The following TMEM45B variants were observed in gnomAD, a reference collection of about 807,000 sequenced individuals.
TMEM45B encodes the protein transmembrane protein 45B.
A neutral mutation model predicts 27.3 loss-of-function variants in TMEM45B; 29 were observed. The observed-to-expected ratio is 1.06, with a 90% CI of 0.79 to 1.45. TMEM45B has a LOEUF of 1.45. Ranked by LOEUF, TMEM45B falls within the 40% of genes most tolerant of loss-of-function variation. TMEM45B has a pLI of 0.00. For synonymous variants in TMEM45B, 143 were observed against 134.7 expected, an observed-to-expected ratio of 1.06 and a Z score of -0.43; for missense variants, 348 against 343.9, an observed-to-expected ratio of 1.01 and a Z score of -0.09.
chr11:129,847,539 G>A (rs1947778943), intron 1 of TMEM45B, among the ~76,000 whole-genome samples: 2 of 151,130 alleles, frequency 1.3e-5, no homozygotes, highest in African/African-American at 4.9e-5. Context: ...GTTTTCCTAG[G>A]CAGAGTGTGT....
intron 1 of TMEM45B, among the ~76,000 whole-genome samples, chr11:129,833,665 C>T (rs989237293): frequency 5.3e-5 from 8 of 152,112 alleles, no homozygotes; most frequent in African/African-American, 1.9e-4. Flanking sequence ...ATCCCAGCTA[C>T]TCAGGAGGCT....
At position 129,847,139 on chromosome 11, in the gene TMEM45B, G is replaced by A. The variant is rs142612717; in HGVS notation, c.-8-5336G>A. ...GAGCTCCAGGAAGTTGGTAGGTGATGCCTGACAATGATGGATTAACAAATG... is the reference window on the plus strand; with the variant it reads ...GAGCTCCAGGAAGTTGGTAGGTGATACCTGACAATGATGGATTAACAAATG... On this transcript the variant is annotated intron_variant, in intron 1 of 5. Coordinates refer to ENST00000281441, the MANE Select transcript of TMEM45B (RefSeq NM_138788.5). Among the ~76,000 whole-genome samples the A allele has an allele frequency of 1.0e-3, 157 of 152,344 alleles. 1 individual carries two copies. Among genetic ancestry groups the A allele is most frequent in the African/African-American group, 3.7e-3 (152 of 41,572 alleles).
chr11:129,827,475 T>C (rs1453135025), intron 1 of TMEM45B, among the ~76,000 whole-genome samples: 1 of 152,176 alleles, frequency 6.6e-6, no homozygotes, highest in Non-Finnish European at 1.5e-5. Flanking sequence ...GTGGTAAGTA[T>C]GTGTGTATCT....
intron 1 of TMEM45B, among the ~76,000 whole-genome samples, chr11:129,832,461 G>T (rs1363355101): frequency 2.0e-5 from 3 of 152,106 alleles, no homozygotes; most frequent in Non-Finnish European, 4.4e-5. Flanking sequence ...GCTGCCTCTT[G>T]TATGATTTAA....
At chr11:129,816,753 T>TTTTTC (rs1947356986) in intron 1 of TMEM45B, among the ~76,000 whole-genome samples, 3 of 146,320 alleles carry the variant, frequency 2.1e-5, no homozygotes, top group African/African-American at 7.6e-5. Context: ...TTTTTTTTTT[T>TTTTTC]TTGAGACGGA....
intron 1 of TMEM45B, among the ~76,000 whole-genome samples, chr11:129,832,681 A>G (rs1239332944): frequency 6.6e-6 from 1 of 152,172 alleles, no homozygotes; most frequent in African/African-American, 2.4e-5. Context: ...TTAGTAAACC[A>G]AAAAATACCA....
chr11:129,853,520 A>G (rs1004780246), intron 2 of TMEM45B, among the ~76,000 whole-genome samples: 1 of 152,232 alleles, frequency 6.6e-6, no homozygotes, highest in Non-Finnish European at 1.5e-5. Flanking sequence ...GAGAAGTGAC[A>G]GGGACCTGTG....
Position 129,836,142 on chromosome 11 carries a change from C to T in TMEM45B, c.-8-16333C>T, listed in dbSNP as rs150377411. Among the ~76,000 whole-genome samples the T allele has an allele frequency of 6.3e-3, 962 of 151,912 alleles. 16 individuals are homozygous for T. Among genetic ancestry groups the T allele is most frequent in the African/African-American group, 0.022 (929 of 41,396 alleles). Reference sequence around the variant, plus strand: ...TCAAATTAAAAAAAAAAAAATTGAACGGAATTTGCCCTACCAGGTTCCAGG... The same window carrying T: ...TCAAATTAAAAAAAAAAAAATTGAATGGAATTTGCCCTACCAGGTTCCAGG... On this transcript the variant is annotated intron_variant, in intron 1 of 5. Coordinates refer to ENST00000281441, the MANE Select transcript of TMEM45B (RefSeq NM_138788.5).
chr11:129,832,481 A>G (rs1947561646), intron 1 of TMEM45B, among the ~76,000 whole-genome samples: 1 of 152,066 alleles, frequency 6.6e-6, no homozygotes, highest in Non-Finnish European at 1.5e-5. Flanking sequence ...ATTTACATAA[A>G]CTGTCTAAAT....
At chr11:129,844,658 C>A (rs552355348) in intron 1 of TMEM45B, among the ~76,000 whole-genome samples, 6 of 152,212 alleles carry the variant, frequency 3.9e-5, no homozygotes, top group African/African-American at 1.2e-4. Flanking sequence ...CTGCACTCCA[C>A]CCTCGGTGAT....
At chr11:129,820,401 T>A (rs1021033144) in intron 1 of TMEM45B, among the ~76,000 whole-genome samples, 2 of 152,210 alleles carry the variant, frequency 1.3e-5, no homozygotes, top group Admixed American at 6.5e-5. Flanking sequence ...TAGCAGCATC[T>A]GCCATAGTGT....
At chr11:129,841,807 AG>A (rs1321689928) in intron 1 of TMEM45B, among the ~76,000 whole-genome samples, 12 of 151,996 alleles carry the variant, frequency 7.9e-5, no homozygotes, top group Non-Finnish European at 1.5e-5. Context: ...CATGTTTGCC[AG>A]GCTAGTCTTG....
chr11:129,821,522 T>C (rs1947419758), intron 1 of TMEM45B, among the ~76,000 whole-genome samples: 1 of 152,250 alleles, frequency 6.6e-6, no homozygotes, highest in Non-Finnish European at 1.5e-5. Flanking sequence ...CGCCTTTTTC[T>C]TAAAGAAGGC....
At chr11:129,851,222 G>A (rs1431222322) in intron 1 of TMEM45B, among the ~76,000 whole-genome samples, 1 of 152,052 alleles carries the variant, frequency 6.6e-6, no homozygotes, top group Non-Finnish European at 1.5e-5. Context: ...AGGAGGGAGG[G>A]GCCCTCATGG....
Position 129,854,778 on chromosome 11 carries a change from T to C in TMEM45B, c.347T>C (p.Val116Ala), listed in dbSNP as rs1408591374. The C allele has an allele frequency of 6.2e-7, 1 of 1,614,044 alleles. No individual in the cohort carries two copies. The highest frequency in any genetic ancestry group is 8.5e-7 in the Non-Finnish European group (1 of 1,180,010). The change falls in exon 3 of 6, where the codon GTG becomes GCG. Residue 116 changes from valine (V) to alanine (A), a missense_variant. By Grantham distance (64) the Val-to-Ala change is moderately conservative (BLOSUM62 0). Coordinates refer to ENST00000281441, the MANE Select transcript of TMEM45B (RefSeq NM_138788.5). Reference sequence around the variant, plus strand: ...CTGGTCAGCCACGTTCCCTTGGGGGTGGACAGACTGGTTATGGCTGTGGCA... The same window carrying C: ...CTGGTCAGCCACGTTCCCTTGGGGGCGGACAGACTGGTTATGGCTGTGGCA... Reference protein sequence around the residue: ...TYLVSHVPLGVDRLVMAVAVF... With the variant: ...TYLVSHVPLGADRLVMAVAVF...
intron 4 of TMEM45B, among the ~76,000 whole-genome samples, chr11:129,856,623 A>C (rs570828923): frequency 1.3e-3 from 181 of 139,376 alleles, no homozygotes; most frequent in African/African-American, 5.0e-3. Context: ...GCAGTGGCGC[A>C]ATCTTGGCTC....
At position 129,858,609 on chromosome 11, in the gene TMEM45B, A is replaced by G; in HGVS notation, c.752A>G (p.Glu251Gly). ...CGGATGAAGAGACACGGAAGGGGAG[A>G]AATCATTGGAATTCAGAAGCTGAAT... Reference protein sequence around the residue: ...LTRMKRHGRGEIIGIQKLNSD... With the variant: ...LTRMKRHGRGGIIGIQKLNSD... The change falls in exon 6 of 6, where the codon GAA (glutamate) becomes GGA (glycine). Residue 251 changes from glutamate (E) to glycine (G), a missense_variant. Glu to Gly is a moderately conservative substitution (Grantham distance 98, BLOSUM62 -2). Transcript: ENST00000281441. 1 of 1,588,220 alleles carries G rather than the reference A, an allele frequency of 6.3e-7. No homozygotes were observed. The highest frequency in any genetic ancestry group is 8.6e-7 in the Non-Finnish European group (1 of 1,166,288).
chr11:129,852,324 G>C (rs942634683), intron 1 of TMEM45B, among the ~76,000 whole-genome samples, 151 bp from the exon 2 acceptor site: 1 of 152,152 alleles, frequency 6.6e-6, no homozygotes, highest in African/African-American at 2.4e-5. Flanking sequence ...CTTCAGTGAC[G>C]TAACATAAGG....
intron 5 of TMEM45B, among the ~76,000 whole-genome samples, chr11:129,857,776 G>T (rs931296834): frequency 1.3e-5 from 2 of 152,104 alleles, no homozygotes; most frequent in Non-Finnish European, 2.9e-5. Context: ...CACGTAAAGG[G>T]TTCATTCTGG....
Sources: gnomAD v4.1 joint callset for allele counts (sites outside exome capture counted in the v4.1 genomes callset) on GRCh38, gnomAD v4.1.1 for gene constraint, MANE v1.5 for transcripts, NCBI Gene and HGNC (gene_info 2026-07-23, HGNC 2026-07-21) for gene names.